TJP2: variants seen among roughly 807,000 people sequenced by gnomAD.
The protein encoded by TJP2 is tight junction protein 2.
In TJP2, 91 loss-of-function variants were observed where a neutral mutation model predicts 133.1. That is an observed-to-expected ratio of 0.68 (90% CI 0.58 to 0.81). The LOEUF is 0.81. Among genes scored for constraint, TJP2 ranks in the 40% least tolerant of loss-of-function variants. TJP2 has a pLI of 0.00. For synonymous variants in TJP2, 592 were observed against 583.4 expected, an observed-to-expected ratio of 1.01 and a Z score of -0.21; for missense variants, 1,541 against 1,565.6, an observed-to-expected ratio of 0.98 and a Z score of 0.26.
exon 1 of TJP2, chr9:69,121,506 T>G: frequency 3.5e-6 from 1 of 285,148 alleles, no homozygotes; most frequent in Non-Finnish European, 5.2e-6. Flanking sequence ...ATCACAATAA[T>G]ATACGGGAGC....
chr9:69,124,333 C>G (rs12686057), intron 1 of TJP2, among the ~76,000 whole-genome samples: 14,143 of 75,924 alleles, frequency 0.19, 5,962 homozygotes, highest in East Asian at 0.71. Context: ...AACTACCATG[C>G]CTGGCTAATT....
rs139083666 is a variant in TJP2, at chr9:69,252,595, A to G, written c.3322-220A>G. Among the ~76,000 whole-genome samples the G allele has an allele frequency of 3.3e-3, 497 of 152,268 alleles. 4 individuals carry two copies. The highest frequency in any genetic ancestry group is 0.011 in the African/African-American group (469 of 41,526). On this transcript the variant is annotated intron_variant, in intron 21 of 22. Coordinates refer to ENST00000377245, the MANE Select transcript of TJP2 (RefSeq NM_004817.4). ...CCTCAAGGTTCATCCAGGTTGTAGC[A>G]TGTGTCAGAGTTTCATTCCTTTTAA...
rs759296403 is a variant in TJP2 at position 69,226,072 on chromosome 9, G to A, written c.1107G>A (p.Leu369=). The change falls in exon 7 of 23, where the codon TTG becomes TTA. Residue 369 remains leucine, a synonymous_variant. Transcript: ENST00000377245. ...ENMSLTDARK[L]IEKSRGKLQL... ...TGTCTTTAACGGATGCTCGAAAATT[G>A]ATAGAAAAGTCAAGAGGAAAACTAC... 6.2e-7 allele frequency: 1 copy of A among 1,614,176 alleles called. No individual in the cohort carries two copies. Among genetic ancestry groups the A allele is most frequent in the Non-Finnish European group, 8.5e-7 (1 of 1,180,018 alleles).
chr9:69,179,035 C>T (rs1375916335), intron 1 of TJP2, among the ~76,000 whole-genome samples: 7 of 150,710 alleles, frequency 4.6e-5, no homozygotes, highest in South Asian at 2.1e-4. Flanking sequence ...CAAGGATTTT[C>T]GTAGGAACAG....
chr9:69,233,286 AG>A (rs1291958407), intron 11 of TJP2, among the ~76,000 whole-genome samples: 2 of 152,216 alleles, frequency 1.3e-5, no homozygotes, highest in African/African-American at 2.4e-5. Flanking sequence ...CACCCAACTA[AG>A]GATAAGTTTC....
chr9:69,130,195 T>C (rs1403140120), intron 1 of TJP2, among the ~76,000 whole-genome samples: 1 of 152,136 alleles, frequency 6.6e-6, no homozygotes, highest in African/African-American at 2.4e-5. Flanking sequence ...CAAGCCAGTA[T>C]TGAGTTTCTT....
rs551213554 is a variant in TJP2 at position 69,232,092 on chromosome 9, A to G, written c.1671+1860A>G. Among the ~76,000 whole-genome samples the G allele has an allele frequency of 2.0e-5, 3 of 152,286 alleles. No individual in the cohort carries two copies. In the South Asian group the frequency reaches 6.2e-4, roughly 32 times the overall value. ...TAGATGGGGAGAGTCGCTTTGGTGGATAAAAAGTCATGGTATCAGCATTTA... is the reference window on the plus strand; with the variant it reads ...TAGATGGGGAGAGTCGCTTTGGTGGGTAAAAAGTCATGGTATCAGCATTTA... On this transcript the variant is annotated intron_variant, in intron 11 of 22. Coordinates refer to ENST00000377245, the MANE Select transcript of TJP2 (RefSeq NM_004817.4).
intron 1 of TJP2, among the ~76,000 whole-genome samples, chr9:69,205,537 A>G (rs574539259): frequency 6.6e-6 from 1 of 152,342 alleles, no homozygotes; most frequent in South Asian, 2.1e-4. Flanking sequence ...AGAGCTTAAC[A>G]TACTGGCTTT....
At chr9:69,145,701 A>G in intron 1 of TJP2, 1 of 1,230,516 alleles carries the variant, frequency 8.1e-7, no homozygotes. Flanking sequence ...CGAGAGAGAC[A>G]AGATGAGGTA....
chr9:69,231,752 T>C (rs942538018), intron 11 of TJP2, among the ~76,000 whole-genome samples: 7 of 152,196 alleles, frequency 4.6e-5, no homozygotes, highest in Non-Finnish European at 1.0e-4. Flanking sequence ...GAAGACTATG[T>C]ACCTGCACGA....
chr9:69,249,638 T>G lies in TJP2; in HGVS notation c.2991+153T>G, dbSNP rs148100921. 3.5e-4 allele frequency: 341 copies of G among 985,356 alleles called. 1 individual carries two copies. In the African/African-American group the frequency reaches 5.3e-3, roughly 15 times the overall value. 61.0% of individuals were successfully genotyped at this position (985,356 alleles called of 1,614,324 possible). On this transcript the variant is annotated intron_variant, in intron 20 of 22. Transcript: ENST00000377245. ...CTATTAGAGCCTATCTTTTGGCCTG[T>G]TGGGTGAACTCCCAAATTAGGGAAG...
At chr9:69,196,064 G>A (rs1391366899) in intron 1 of TJP2, among the ~76,000 whole-genome samples, 15 of 152,226 alleles carry the variant, frequency 9.9e-5, no homozygotes, top group African/African-American at 3.6e-4. Flanking sequence ...CTGGGTTCAA[G>A]CAGTGCTCTC....
At position 69,190,135 on chromosome 9, in the gene TJP2, C is replaced by A. The variant is rs966321149; in HGVS notation, c.60+15703C>A. Reference sequence around the variant, plus strand: ...AAAAAACAAACAAACAAACAAACTTCTCCTGTAGCAGTTTGCTTTGAGTTG... The same window carrying A: ...AAAAAACAAACAAACAAACAAACTTATCCTGTAGCAGTTTGCTTTGAGTTG... On this transcript the variant is annotated intron_variant, in intron 1 of 22. Coordinates refer to ENST00000377245, the MANE Select transcript of TJP2 (RefSeq NM_004817.4). 8.5e-5 allele frequency among the ~76,000 whole-genome samples: 13 copies of A among 152,106 alleles called. 1 individual carries two copies. Among genetic ancestry groups the A allele is most frequent in the Admixed American group, 6.5e-5 (1 of 15,274 alleles).
chr9:69,166,421 A>G (rs934160293), intron 2 of TJP2, among the ~76,000 whole-genome samples: 1 of 151,780 alleles, frequency 6.6e-6, no homozygotes, highest in Non-Finnish European at 1.5e-5. Flanking sequence ...GTTTTTAAAC[A>G]GTAAACAGTA....
intron 1 of TJP2, among the ~76,000 whole-genome samples, chr9:69,148,573 T>G (rs1177319453): frequency 6.6e-6 from 1 of 152,008 alleles, no homozygotes; most frequent in East Asian, 1.9e-4. Flanking sequence ...TTTTACCATG[T>G]TGGCCGGGCT....
intron 1 of TJP2, among the ~76,000 whole-genome samples, chr9:69,129,381 G>A (rs565926078): frequency 3.0e-4 from 45 of 151,790 alleles, no homozygotes; most frequent in African/African-American, 9.7e-4. Flanking sequence ...GCATGGTGGC[G>A]TGTGCTGTCC....
Position 69,227,773 on chromosome 9 carries a change from G to T in TJP2, c.1219G>T (p.Glu407Ter), listed in dbSNP as rs1331030732. The change falls in exon 8 of 23, where the codon GAA becomes TAA. Residue 407 changes from glutamate to a stop codon, truncating the protein, a stop_gained. Transcript: ENST00000377245. LOFTEE classifies it high-confidence loss of function. ...CTTATTTTTGAAACTAGATATTTCA[G>T]AAATAGAGTCAAACCGATCATTTTC... ...DSDSEIEDIS[E>*]IESNRSFSPE... 1 of 1,600,418 alleles carries T rather than the reference G, an allele frequency of 6.2e-7. No homozygotes were observed. The highest frequency in any genetic ancestry group is 8.6e-7 in the Non-Finnish European group (1 of 1,168,572).
chr9:69,160,860 C>A (rs543997029), intron 2 of TJP2, among the ~76,000 whole-genome samples: 3 of 152,182 alleles, frequency 2.0e-5, no homozygotes, highest in Non-Finnish European at 4.4e-5. Flanking sequence ...GAGACTTATT[C>A]ACTATCATGA....
intron 1 of TJP2, among the ~76,000 whole-genome samples, chr9:69,138,621 G>A (rs201920010): frequency 6.6e-6 from 1 of 151,952 alleles, no homozygotes; most frequent in African/African-American, 2.4e-5. Flanking sequence ...ACAAAAATTA[G>A]CCAGGCAGCC....
Sources: gnomAD v4.1 joint callset for allele counts (sites outside exome capture counted in the v4.1 genomes callset) on GRCh38, gnomAD v4.1.1 for gene constraint, MANE v1.5 for transcripts, NCBI Gene and HGNC (gene_info 2026-07-23, HGNC 2026-07-21) for gene names.